The following ATRNL1 variants were observed in gnomAD, a reference collection of about 807,000 sequenced individuals.
ATRNL1 encodes attractin-like protein 1.
Under a neutral mutation model 182.7 loss-of-function variants are expected in ATRNL1, and 95 were observed. The observed-to-expected ratio is 0.52, with a 90% CI of 0.44 to 0.62. The LOEUF (loss-of-function observed/expected upper bound fraction) is 0.62, where lower values mean the gene tolerates loss of function less well. ATRNL1 is among the 20% of genes least tolerant of loss of function. The pLI is 0.00. For synonymous variants in ATRNL1, 576 were observed against 568.3 expected, an observed-to-expected ratio of 1.01 and a Z score of -0.19; for missense variants, 1,471 against 1,679.5, an observed-to-expected ratio of 0.88 and a Z score of 2.17.
chr10:115,514,280 T>C (rs1233608672), intron 24 of ATRNL1, among the ~76,000 whole-genome samples: 1 of 151,982 alleles, frequency 6.6e-6, no homozygotes, highest in African/African-American at 2.4e-5. Context: ...GAAAACAAGC[T>C]GGAATCAAAA....
At chr10:115,428,593 T>C (rs1457961666) in intron 21 of ATRNL1, among the ~76,000 whole-genome samples, 3 of 152,090 alleles carry the variant, frequency 2.0e-5, no homozygotes, top group African/African-American at 7.2e-5. Flanking sequence ...TTATCAGAAA[T>C]GGTTGTTTAT....
At chr10:115,396,749 TAATA>T (rs1390482438) in intron 20 of ATRNL1, among the ~76,000 whole-genome samples, 1 of 151,924 alleles carries the variant, frequency 6.6e-6, no homozygotes, top group Non-Finnish European at 1.5e-5. Context: ...TAACTATCCA[TAATA>T]AATAGTTCTT....
intron 6 of ATRNL1, among the ~76,000 whole-genome samples, chr10:115,163,323 T>A (rs1329768963): frequency 6.6e-6 from 1 of 151,598 alleles, no homozygotes; most frequent in Non-Finnish European, 1.5e-5. Context: ...ATTTTATTTT[T>A]TCTTTTATTT....
chr10:115,129,024 T>C (rs1845933417), intron 4 of ATRNL1, among the ~76,000 whole-genome samples: 2 of 152,178 alleles, frequency 1.3e-5, no homozygotes, highest in South Asian at 4.1e-4. Flanking sequence ...ACTTAAGTCT[T>C]TACAAAACAT....
intron 26 of ATRNL1, among the ~76,000 whole-genome samples, chr10:115,623,924 G>T (rs1261373859): frequency 1.3e-5 from 2 of 152,082 alleles, no homozygotes; most frequent in African/African-American, 4.8e-5. Flanking sequence ...AGGGCCTAGG[G>T]CTCAGGATAT....
intron 14 of ATRNL1, 34 bp downstream of exon 14, chr10:115,281,521 G>A (rs1554916834): frequency 6.3e-7 from 1 of 1,598,718 alleles, no homozygotes. Context: ...ATGAGTTTAT[G>A]GTCTACAGAT....
At chr10:115,767,333 A>G (rs943874324) in intron 27 of ATRNL1, among the ~76,000 whole-genome samples, 4 of 152,056 alleles carry the variant, frequency 2.6e-5, no homozygotes, top group Admixed American at 2.6e-4. Flanking sequence ...TTTTCCTCCC[A>G]ACAGCCCCAT....
At chr10:115,486,195 G>A (rs1330679295) in intron 24 of ATRNL1, among the ~76,000 whole-genome samples, 9 of 152,098 alleles carry the variant, frequency 5.9e-5, no homozygotes, top group Non-Finnish European at 8.8e-5. Context: ...GAACAGTGCC[G>A]CAATAAACAT....
At chr10:115,608,478 A>G (rs1172434089) in intron 26 of ATRNL1, among the ~76,000 whole-genome samples, 3 of 152,072 alleles carry the variant, frequency 2.0e-5, no homozygotes, top group Non-Finnish European at 4.4e-5. Context: ...TACATACCAT[A>G]CTTTTGGACA....
At chr10:115,769,832 G>T (rs1476576496) in intron 27 of ATRNL1, among the ~76,000 whole-genome samples, 1 of 152,100 alleles carries the variant, frequency 6.6e-6, no homozygotes, top group Non-Finnish European at 1.5e-5. Flanking sequence ...ATATCTTTCA[G>T]TAAGTAGTAG....
chr10:115,136,259 TCTG>T (rs1554876656), intron 5 of ATRNL1, among the ~76,000 whole-genome samples: 2 of 152,034 alleles, frequency 1.3e-5, no homozygotes, highest in African/African-American at 4.8e-5. Context: ...TGTAGACTCA[TCTG>T]CTTCTATGAC....
chr10:115,370,038 A>G (rs1417478599), intron 19 of ATRNL1, among the ~76,000 whole-genome samples: 4 of 152,176 alleles, frequency 2.6e-5, no homozygotes, highest in African/African-American at 4.8e-5. Context: ...GTCATAGTGA[A>G]TAAGTCTCCC....
At chr10:115,263,394 T>C (rs1370722870) in intron 10 of ATRNL1, among the ~76,000 whole-genome samples, 1 of 151,784 alleles carries the variant, frequency 6.6e-6, no homozygotes, top group Non-Finnish European at 1.5e-5. Context: ...CCCTTTTGCA[T>C]TACTGGTAAA....
chr10:115,096,706 T>C (rs2085019730), intron 1 of ATRNL1: 2 of 1,288,568 alleles, frequency 1.6e-6, no homozygotes, highest in Admixed American at 2.3e-5. Flanking sequence ...GATTGATAGT[T>C]GGGGGAAGAA....
At position 115,792,521 on chromosome 10, in the gene ATRNL1, G is replaced by T. The variant is rs545084922; in HGVS notation, c.3904-55356G>T. On this transcript the variant is annotated intron_variant, in intron 27 of 28. Coordinates refer to ENST00000355044, the MANE Select transcript of ATRNL1 (RefSeq NM_207303.4). Reference sequence around the variant, plus strand: ...ACTTATCTAAAACAGTATGCAGTAAGTGTAGCAGTATATATCTAAATTAAC... The same window carrying T: ...ACTTATCTAAAACAGTATGCAGTAATTGTAGCAGTATATATCTAAATTAAC... 4.6e-5 allele frequency among the ~76,000 whole-genome samples: 7 copies of T among 152,222 alleles called. No homozygotes were observed. In the South Asian group the frequency reaches 1.4e-3, roughly 32 times the overall value.
chr10:115,170,909 A>G (rs1292382082), intron 7 of ATRNL1, 128 bp from the exon 8 acceptor site: 1 of 474,194 alleles, frequency 2.1e-6, no homozygotes, highest in Non-Finnish European at 3.4e-6. Flanking sequence ...TTTACAAATG[A>G]GAACAATGCC....
chr10:115,140,936 G>A (rs1438179593), intron 5 of ATRNL1, among the ~76,000 whole-genome samples: 2 of 152,008 alleles, frequency 1.3e-5, no homozygotes, highest in African/African-American at 4.8e-5. Context: ...TAATTCCAAA[G>A]TTCTTCCTAG....
intron 8 of ATRNL1, among the ~76,000 whole-genome samples, chr10:115,184,549 A>C (rs1286617766): frequency 1.3e-5 from 2 of 151,762 alleles, no homozygotes; most frequent in African/African-American, 4.8e-5. Flanking sequence ...GAACACAGGA[A>C]AGATAAACCA....
chr10:115,495,238 T>C (rs1159649799), intron 24 of ATRNL1, among the ~76,000 whole-genome samples: 1 of 152,152 alleles, frequency 6.6e-6, no homozygotes, highest in Non-Finnish European at 1.5e-5. Context: ...GTATAGCTAG[T>C]GGTCTATGAG....
Sources: gnomAD v4.1 joint callset for allele counts (sites outside exome capture counted in the v4.1 genomes callset) on GRCh38, gnomAD v4.1.1 for gene constraint, MANE v1.5 for transcripts, NCBI Gene and HGNC (gene_info 2026-07-23, HGNC 2026-07-21) for gene names.